Variants in AGBL4 observed in about 807,000 individuals in gnomAD.
The protein encoded by AGBL4 is cytosolic carboxypeptidase 6.
AGBL4 carries 58 observed loss-of-function variants against 66.4 expected under a neutral mutation model. That is an observed-to-expected ratio of 0.87 (90% confidence interval 0.71 to 1.09). The LOEUF is 1.09. AGBL4 is among the 50% of genes least tolerant of loss of function. The pLI is 0.00. For synonymous variants in AGBL4, 234 were observed against 222.9 expected, an observed-to-expected ratio of 1.05 and a Z score of -0.44; for missense variants, 579 against 631.0, an observed-to-expected ratio of 0.92 and a Z score of 0.88.
At chr1:48,523,074 C>G in the AGBL4 span, among the ~76,000 whole-genome samples, 1 of 152,090 alleles carries the variant, frequency 6.6e-6, no homozygotes. Flanking sequence ...AATGGCAGAA[C>G]TGGAGGAGCC....
intron 4 of AGBL4, among the ~76,000 whole-genome samples, chr1:49,166,950 A>G (rs1646646537): frequency 6.6e-6 from 1 of 152,188 alleles, no homozygotes; most frequent in Non-Finnish European, 1.5e-5. Context: ...TCAGGAACAC[A>G]TTAATAGCCC....
intron 3 of AGBL4, among the ~76,000 whole-genome samples, chr1:49,289,015 C>CACAG (rs1553178532): frequency 6.7e-6 from 1 of 149,948 alleles, no homozygotes; most frequent in African/African-American, 2.4e-5. Flanking sequence ...CACACACACA[C>CACAG]AGAGAGAGAG....
At chr1:49,489,572 G>T (rs1415419182) in intron 3 of AGBL4, among the ~76,000 whole-genome samples, 5 of 151,724 alleles carry the variant, frequency 3.3e-5, no homozygotes, top group African/African-American at 1.2e-4. Flanking sequence ...ACTTTGGGTT[G>T]TCTGTGCTTG....
At chr1:49,784,680 G>A (rs1193884216) in intron 2 of AGBL4, among the ~76,000 whole-genome samples, 12 of 151,414 alleles carry the variant, frequency 7.9e-5, no homozygotes, top group Non-Finnish European at 1.5e-4. Context: ...TGCAACAAGT[G>A]ATACTATGAA....
At chr1:49,421,336 A>G (rs1174932006) in intron 3 of AGBL4, among the ~76,000 whole-genome samples, 3 of 151,024 alleles carry the variant, frequency 2.0e-5, no homozygotes, top group African/African-American at 7.3e-5. Context: ...GTTGTCTTCA[A>G]AGAACTTTCA....
At chr1:48,613,266 T>C (rs1645267957) in intron 9 of AGBL4, among the ~76,000 whole-genome samples, 1 of 152,212 alleles carries the variant, frequency 6.6e-6, no homozygotes, top group Non-Finnish European at 1.5e-5. Flanking sequence ...AGCTAGTCTG[T>C]GGTGCAACTG....
At chr1:49,554,848 T>C (rs1163346788) in intron 3 of AGBL4, among the ~76,000 whole-genome samples, 1 of 151,822 alleles carries the variant, frequency 6.6e-6, no homozygotes, top group South Asian at 2.1e-4. Flanking sequence ...TTCGGGTGAG[T>C]GTTACAGCTC....
intron 4 of AGBL4, among the ~76,000 whole-genome samples, chr1:49,204,891 T>C (rs1557727123): frequency 6.6e-6 from 1 of 152,072 alleles, no homozygotes; most frequent in Non-Finnish European, 1.5e-5. Flanking sequence ...CTGTACAGCT[T>C]TTCTAATGAC....
Position 48,871,079 on chromosome 1 carries a change from A to C in AGBL4, c.595-3849T>G, listed in dbSNP as rs554373363. Among the ~76,000 whole-genome samples, 4 of 152,234 alleles carry C rather than the reference A, an allele frequency of 2.6e-5. No homozygotes were observed. In the South Asian group the frequency reaches 8.3e-4, roughly 31 times the overall value. On this transcript the variant is annotated intron_variant, in intron 5 of 13. Transcript: ENST00000371839. ...AAAACTATGTGGCATTTGTAAAAAT[A>C]GAGCACATGGTTTATAGAATTTGAC... is the stretch of plus-strand genomic sequence containing the variant.
chr1:48,933,670 A>G (rs569514742), intron 5 of AGBL4, among the ~76,000 whole-genome samples: 1 of 152,320 alleles, frequency 6.6e-6, no homozygotes, highest in African/African-American at 2.4e-5. Context: ...CAGCCATTAA[A>G]TGGAGATAGT....
At chr1:49,565,807 T>G (rs1644183487) in intron 3 of AGBL4, among the ~76,000 whole-genome samples, 1 of 152,216 alleles carries the variant, frequency 6.6e-6, no homozygotes, top group Non-Finnish European at 1.5e-5. Flanking sequence ...AGGAGTATCT[T>G]TGTGGTGTTC....
chr1:49,134,038 A>T (rs1645955674), intron 4 of AGBL4, among the ~76,000 whole-genome samples: 1 of 151,908 alleles, frequency 6.6e-6, no homozygotes, highest in Non-Finnish European at 1.5e-5. Flanking sequence ...AAGAGTCCAA[A>T]AGAGAGAAAT....
At chr1:48,762,613 TTTGTG>T (rs1553227893) in intron 6 of AGBL4, among the ~76,000 whole-genome samples, 5 of 73,722 alleles carry the variant, frequency 6.8e-5, no homozygotes, top group African/African-American at 2.1e-4. Context: ...CTTTAAGGGT[TTTGTG>T]TGTGTGTGTG....
At chr1:49,064,026 C>G (rs1644448935) in intron 4 of AGBL4, among the ~76,000 whole-genome samples, 1 of 152,196 alleles carries the variant, frequency 6.6e-6, no homozygotes, top group African/African-American at 2.4e-5. Context: ...AGTGACTTAT[C>G]TTCTTTCACC....
chr1:48,636,306 C>A (rs890723742), intron 8 of AGBL4, among the ~76,000 whole-genome samples: 2 of 152,214 alleles, frequency 1.3e-5, no homozygotes, highest in African/African-American at 4.8e-5. Flanking sequence ...GCCATCTTTT[C>A]TTTCTGAGCT....
rs555937456 is a variant in AGBL4 at position 48,853,184 on chromosome 1, C to G, written c.634+14007G>C. Among the ~76,000 whole-genome samples, 3 of 152,274 alleles carry G rather than the reference C, an allele frequency of 2.0e-5. No individual in the cohort carries two copies. The South Asian group carries it at 6.2e-4, about 32-fold the overall frequency. On this transcript the variant is annotated intron_variant, in intron 6 of 13. Transcript: ENST00000371839. ...AGTCTATGTGGCAAGGAACTGAGGT[C>G]TCCTGCCAAAAGCCAGCACCAACCT...
At chr1:49,667,698 TATG>T (rs1234028057) in intron 3 of AGBL4, among the ~76,000 whole-genome samples, 1 of 152,160 alleles carries the variant, frequency 6.6e-6, no homozygotes, top group Non-Finnish European at 1.5e-5. Context: ...ATACTAATTT[TATG>T]ATACCAAGTT....
At chr1:49,904,133 A>G (rs897594562) in intron 1 of AGBL4, among the ~76,000 whole-genome samples, 4 of 152,152 alleles carry the variant, frequency 2.6e-5, no homozygotes, top group African/African-American at 9.6e-5. Flanking sequence ...CCACTGTATC[A>G]TACTAAATCC....
chr1:49,099,113 C>T (rs1645157815), intron 4 of AGBL4, among the ~76,000 whole-genome samples: 1 of 152,146 alleles, frequency 6.6e-6, no homozygotes, highest in East Asian at 1.9e-4. Context: ...ATAAATGTCA[C>T]TGCTTCGGTC....
Sources: gnomAD v4.1 joint callset for allele counts (sites outside exome capture counted in the v4.1 genomes callset) on GRCh38, gnomAD v4.1.1 for gene constraint, MANE v1.5 for transcripts, NCBI Gene and HGNC (gene_info 2026-07-23, HGNC 2026-07-21) for gene names.